HESX1: variants seen among roughly 807,000 people sequenced by gnomAD.
HESX1 encodes homeobox expressed in ES cells 1.
In HESX1, 11 loss-of-function variants were observed where a neutral mutation model predicts 22.5. The observed-to-expected ratio is 0.49, with a 90% CI of 0.31 to 0.81. The LOEUF (loss-of-function observed/expected upper bound fraction) is 0.81, where lower values mean the gene tolerates loss of function less well. HESX1 is among the 30% of genes least tolerant of loss of function. The pLI is 0.05. For missense variants in HESX1, 201 were observed against 212.6 expected (o/e 0.95, Z 0.34); for synonymous variants, 74 against 76.5 (o/e 0.97, Z 0.17).
intron 1 of HESX1, among the ~76,000 whole-genome samples, chr3:57,217,641 T>C (rs1271344514): frequency 6.6e-6 from 1 of 152,106 alleles, no homozygotes; most frequent in Non-Finnish European, 1.5e-5. Context: ...GTTTTCACCT[T>C]GCTCTGAGGT....
chr3:57,208,218 CATTG>C lies in HESX1; in HGVS notation c.-110-8194_-110-8191del, dbSNP rs1183433959. ...ACAGCTGTATGCATTTGTCAGTACT[CATTG>C]ATTGGTACTCTAAAATTTGTTCACT... On this transcript the variant is annotated intron_variant, in intron 1 of 2. Coordinates refer to the HESX1 transcript ENST00000495160. Among the ~76,000 whole-genome samples the C allele has an allele frequency of 2.6e-5, 4 of 152,254 alleles. No homozygotes were observed. In the East Asian group the frequency reaches 5.8e-4, roughly 22 times the overall value.
intron 1 of HESX1, among the ~76,000 whole-genome samples, chr3:57,212,557 C>CAAAAAAAAAAAAAAAAAAAAAAAA (rs56093005): frequency 3.7e-5 from 3 of 80,130 alleles, no homozygotes; most frequent in South Asian, 8.5e-4. Context: ...GACTCTGTCT[C>CAAAAAAAAAAAAAAAAAAAAAAAA]AAAAAAAAAA....
intron 1 of HESX1, among the ~76,000 whole-genome samples, chr3:57,208,880 G>A (rs540145382): frequency 1.1e-4 from 17 of 151,814 alleles, no homozygotes; most frequent in African/African-American, 3.9e-4. Context: ...AGAATAGCTT[G>A]AACTGGGGAG....
intron 1 of HESX1, among the ~76,000 whole-genome samples, chr3:57,219,499 C>T (rs1302784707): frequency 6.6e-6 from 1 of 152,090 alleles, no homozygotes; most frequent in African/African-American, 2.4e-5. Flanking sequence ...TCCCGAGTAG[C>T]TGGGACTACA....
Position 57,211,527 on chromosome 3 carries a change from C to CAAAAAAAAAAAA in HESX1, c.-110-11511_-110-11500dup, listed in dbSNP as rs61137408. 1.4e-3 allele frequency among the ~76,000 whole-genome samples: 44 copies of CAAAAAAAAAAAA among 31,978 alleles called. 8 individuals carry two copies. Among genetic ancestry groups the CAAAAAAAAAAAA allele is most frequent in the African/African-American group, 5.3e-3 (31 of 5,858 alleles). 21.0% of individuals were successfully genotyped at this position (31,978 alleles called of 152,430 possible). On this transcript the variant is annotated intron_variant, in intron 1 of 2. Coordinates refer to the HESX1 transcript ENST00000495160. Reference sequence around the variant, plus strand: ...TCTGGGTGACAGAGAGAGACCTTGTCAAAAAAAAAAAAAAAAAAAAAAAAG... The same window carrying CAAAAAAAAAAAA: ...TCTGGGTGACAGAGAGAGACCTTGTCAAAAAAAAAAAAAAAAAAAAAAAAAAAAAAAAAAAAG...
intron 1 of HESX1, among the ~76,000 whole-genome samples, 161 bp from the exon 2 acceptor site, chr3:57,199,113 T>A (rs2060467354): frequency 6.6e-6 from 1 of 152,192 alleles, no homozygotes. Context: ...AAAATGAAGA[T>A]CCTGTCTTGG....
chr3:57,207,021 C>T (rs764877209), intron 1 of HESX1, among the ~76,000 whole-genome samples: 1 of 152,008 alleles, frequency 6.6e-6, no homozygotes, highest in Non-Finnish European at 1.5e-5. Flanking sequence ...GATCTTGGCT[C>T]ACTGCAACCT....
chr3:57,205,094 T>G (rs565771298), intron 1 of HESX1, among the ~76,000 whole-genome samples: 1 of 152,144 alleles, frequency 6.6e-6, no homozygotes, highest in East Asian at 1.9e-4. Context: ...ATAAGTCAGT[T>G]CATGTCACAA....
At chr3:57,207,353 A>C (rs1272419255) in intron 1 of HESX1, among the ~76,000 whole-genome samples, 1 of 152,214 alleles carries the variant, frequency 6.6e-6, no homozygotes, top group Admixed American at 6.5e-5. Flanking sequence ...AGTAGAAACA[A>C]CATGTCTAAC....
At chr3:57,223,140 G>A (rs2060624110) in intron 1 of HESX1, among the ~76,000 whole-genome samples, 1 of 152,112 alleles carries the variant, frequency 6.6e-6, no homozygotes, top group South Asian at 2.1e-4. Flanking sequence ...TGGCAGAATG[G>A]AGAAACAGAG....
intron 1 of HESX1, among the ~76,000 whole-genome samples, chr3:57,207,599 A>G (rs1321812397): frequency 6.6e-6 from 1 of 152,246 alleles, no homozygotes; most frequent in Non-Finnish European, 1.5e-5. Context: ...TCTGTAAGTT[A>G]TAGCAGTCAA....
upstream of HESX1, among the ~76,000 whole-genome samples, chr3:57,201,245 CACATGCAAA>C (rs2060483898): frequency 6.6e-6 from 1 of 152,108 alleles, no homozygotes; most frequent in Non-Finnish European, 1.5e-5. Context: ...TAAAGGATCT[CACATGCAAA>C]ACATCAACAG....
chr3:57,220,115 T>C lies in HESX1; in HGVS notation c.-111+6181A>G, dbSNP rs572567793. Among the ~76,000 whole-genome samples the C allele has an allele frequency of 3.3e-5, 5 of 152,324 alleles. No individual in the cohort carries two copies. The South Asian group carries it at 1.0e-3, about 32-fold the overall frequency. On this transcript the variant is annotated intron_variant, in intron 1 of 2. Transcript: ENST00000495160. ...CAGGGAGTCCTTTCCCTATTGCTCGTTTTTGTCAGCTTTGTTGAAGATCAG... is the reference window on the plus strand; with the variant it reads ...CAGGGAGTCCTTTCCCTATTGCTCGCTTTTGTCAGCTTTGTTGAAGATCAG...
Position 57,199,902 on chromosome 3 carries a change from T to C in HESX1, c.17A>G (p.Gln6Arg). ...GTTTTCCCCGAGCTGAGCGCCTTCCTGAAGGCTGGGAGACATCCTCTCGTG... is the reference window on the plus strand; with the variant it reads ...GTTTTCCCCGAGCTGAGCGCCTTCCCGAAGGCTGGGAGACATCCTCTCGTG... The part of the protein sequence containing the change: MSPSL[Q>R]EGAQLGENKP... The change falls in exon 1 of 4, where the codon CAG becomes CGG. Residue 6 changes from glutamine to arginine, a missense_variant. Physicochemically the swap from Gln to Arg is conservative, Grantham distance 43. Coordinates refer to ENST00000295934, the MANE Select transcript of HESX1 (RefSeq NM_003865.3). The C allele has an allele frequency of 6.2e-7, 1 of 1,613,962 alleles. No individual in the cohort carries two copies. The highest frequency in any genetic ancestry group is 8.5e-7 in the Non-Finnish European group (1 of 1,179,898).
chr3:57,221,324 A>G (rs2060614834), intron 1 of HESX1, among the ~76,000 whole-genome samples: 1 of 150,692 alleles, frequency 6.6e-6, no homozygotes, highest in Non-Finnish European at 1.5e-5. Flanking sequence ...CAGCCAATTA[A>G]AAACTTTTTT....
At chr3:57,209,490 A>T (rs892091295) in intron 1 of HESX1, among the ~76,000 whole-genome samples, 11 of 151,890 alleles carry the variant, frequency 7.2e-5, no homozygotes, top group African/African-American at 2.4e-4. Context: ...AAATACAAAA[A>T]ATTAGCTGGG....
chr3:57,226,327 G>T (rs750308040), exon 1 of HESX1: 5 of 152,164 alleles, frequency 3.3e-5, no homozygotes, highest in Non-Finnish European at 7.3e-5. Context: ...GAGCTGGGGT[G>T]CATGGTGTTC....
chr3:57,220,736 C>T (rs902645939), intron 1 of HESX1, among the ~76,000 whole-genome samples: 1 of 151,970 alleles, frequency 6.6e-6, no homozygotes. Context: ...TGGCCACCCA[C>T]AATTTATTAT....
At position 57,199,943 on chromosome 3, in the gene HESX1, C is replaced by T. The variant is rs757488823; in HGVS notation, c.-25G>A. 7 of 1,610,096 alleles carry T rather than the reference C, an allele frequency of 4.3e-6. No homozygotes were observed. The East Asian group carries it at 1.3e-4, about 31-fold the overall frequency. ...TCCTCTCGTGGTCTGCACAGAGCAA[C>T]AGCTCTGGCCTCTGCTGGCTCTGCC... On this transcript the variant is annotated 5_prime_UTR_variant, in exon 1 of 4. Coordinates refer to ENST00000295934, the MANE Select transcript of HESX1 (RefSeq NM_003865.3).
Sources: gnomAD v4.1 joint callset for allele counts (sites outside exome capture counted in the v4.1 genomes callset) on GRCh38, gnomAD v4.1.1 for gene constraint, MANE v1.5 for transcripts, NCBI Gene and HGNC (gene_info 2026-07-23, HGNC 2026-07-21) for gene names.